Variants in DNAJB6 observed in about 807,000 individuals in gnomAD.
DNAJB6 encodes dnaJ homolog subfamily B member 6.
DNAJB6 carries 16 observed loss-of-function variants against 42.7 expected under a neutral mutation model. That is an observed-to-expected ratio of 0.37 (90% CI 0.25 to 0.57). The LOEUF is 0.57. Among genes scored for constraint, DNAJB6 ranks in the 20% least tolerant of loss-of-function variants. The pLI is 0.74. For synonymous variants in DNAJB6, 170 were observed against 163.5 expected (o/e 1.04, Z -0.30); for missense variants, 347 against 416.8 (o/e 0.83, Z 1.46).
At chr7:157,371,236 C>T (rs905994263) in intron 5 of DNAJB6, among the ~76,000 whole-genome samples, 3 of 152,244 alleles carry the variant, frequency 2.0e-5, no homozygotes, top group Non-Finnish European at 2.9e-5. Flanking sequence ...GGTTGGGGAC[C>T]GCTGTTGACA....
chr7:157,339,659 A>G (rs1798250676), intron 1 of DNAJB6, among the ~76,000 whole-genome samples: 1 of 135,736 alleles, frequency 7.4e-6, no homozygotes, highest in South Asian at 2.3e-4. Flanking sequence ...GATGGAGTTT[A>G]GCTCTTGCCC....
At chr7:157,357,878 C>G (rs1284603496) in intron 1 of DNAJB6, among the ~76,000 whole-genome samples, 9 of 152,132 alleles carry the variant, frequency 5.9e-5, no homozygotes. Flanking sequence ...ACCTTCCATT[C>G]GGTAGTGATA....
chr7:157,355,813 A>G (rs1413596774), intron 1 of DNAJB6, among the ~76,000 whole-genome samples: 1 of 152,202 alleles, frequency 6.6e-6, no homozygotes, highest in Non-Finnish European at 1.5e-5. Context: ...CTGCATGAAT[A>G]CCGAGTGCTG....
At position 157,382,396 on chromosome 7, in the gene DNAJB6, T is replaced by C; in HGVS notation, c.478+19T>C. 6.3e-7 allele frequency: 1 copy of C among 1,597,276 alleles called. No homozygotes were observed. Among genetic ancestry groups the C allele is most frequent in the Non-Finnish European group, 8.5e-7 (1 of 1,175,934 alleles). On this transcript the variant is annotated intron_variant, in intron 6 of 9. Coordinates refer to ENST00000262177, the MANE Select transcript of DNAJB6 (RefSeq NM_058246.4). ...GATACAGGTATTAAATCCCTAGGTT[T>C]AATCTCTGTTATCTTAACAGCAGTT...
intron 1 of DNAJB6, among the ~76,000 whole-genome samples, chr7:157,355,779 G>A (rs1034383259): frequency 6.6e-6 from 1 of 152,172 alleles, no homozygotes; most frequent in Non-Finnish European, 1.5e-5. Context: ...CATTTGGTAA[G>A]GAAACTAGCC....
chr7:157,343,583 C>T (rs1367594802), intron 1 of DNAJB6, among the ~76,000 whole-genome samples: 2 of 151,988 alleles, frequency 1.3e-5, no homozygotes, highest in African/African-American at 4.8e-5. Context: ...TCCTGCCTCA[C>T]CTGGAACTAC....
At chr7:157,376,966 T>A (rs1800508266) in intron 5 of DNAJB6, among the ~76,000 whole-genome samples, 1 of 152,076 alleles carries the variant, frequency 6.6e-6, no homozygotes, top group African/African-American at 2.4e-5. Flanking sequence ...AGACTGTTGG[T>A]GAATGAAAAC....
chr7:157,353,874 G>C (rs1289194896), intron 1 of DNAJB6, among the ~76,000 whole-genome samples: 1 of 151,950 alleles, frequency 6.6e-6, no homozygotes, highest in Non-Finnish European at 1.5e-5. Context: ...GTGTTTCCCA[G>C]GCTGATCTTG....
At chr7:157,342,312 C>T (rs1305786388) in intron 1 of DNAJB6, among the ~76,000 whole-genome samples, 1 of 148,712 alleles carries the variant, frequency 6.7e-6, no homozygotes, top group Non-Finnish European at 1.5e-5. Flanking sequence ...GGATTACAGG[C>T]ACGTGCCACT....
intron 8 of DNAJB6, among the ~76,000 whole-genome samples, chr7:157,389,620 T>G (rs1032439168): frequency 6.6e-6 from 1 of 152,214 alleles, no homozygotes; most frequent in African/African-American, 2.4e-5. Flanking sequence ...GAGCTAGATG[T>G]AGGCCTTGGT....
chr7:157,415,612 C>A, intron 9 of DNAJB6: 1 of 205,696 alleles, frequency 4.9e-6, no homozygotes, highest in Non-Finnish European at 1.0e-5. Context: ...GCAGCCGTGT[C>A]CAGGGTGGGC....
Position 157,384,957 on chromosome 7 carries a change from C to T in DNAJB6, c.569C>T (p.Ser190Leu), listed in dbSNP as rs771003490. Residue 190 changes from serine to leucine, a missense_variant, in exon 7 of 10, where the codon TCG becomes TTG. This residue lies in a region of DNAJB6 where 264 missense variants were observed against 288.0 expected (regional missense o/e 0.92). Coordinates refer to ENST00000262177, the MANE Select transcript of DNAJB6 (RefSeq NM_058246.4). Reference protein sequence around the residue: ...FGGSGMGNFKSISTSTKMVNG... With the variant: ...FGGSGMGNFKLISTSTKMVNG... ...GGTAGTGGCATGGGCAACTTCAAAT[C>T]GATATCAACTTCAACTAAAATGGTT... 17 of 1,613,914 alleles carry T rather than the reference C, an allele frequency of 1.1e-5. No homozygotes were observed. The highest frequency in any genetic ancestry group is 4.0e-5 in the African/African-American group (3 of 74,898).
At chr7:157,353,188 A>G (rs948184008) in intron 1 of DNAJB6, among the ~76,000 whole-genome samples, 2 of 150,624 alleles carry the variant, frequency 1.3e-5, no homozygotes, top group African/African-American at 4.8e-5. Context: ...TCGGGCTCCT[A>G]AAGTGTTGAG....
rs1798173622 is a variant in DNAJB6, at chr7:157,338,593, CAA to C, written c.-27+1451_-27+1452del. 2.0e-5 allele frequency among the ~76,000 whole-genome samples: 3 copies of C among 152,322 alleles called. No homozygotes were observed. In the South Asian group the frequency reaches 6.2e-4, roughly 32 times the overall value. Reference sequence around the variant, plus strand: ...AAAGTGATCGCCTGCCTCGGCCTCCCAAAGTGTTGGGATTAGAGGCGCGAGCC... The same window carrying C: ...AAAGTGATCGCCTGCCTCGGCCTCCCAGTGTTGGGATTAGAGGCGCGAGCC... On this transcript the variant is annotated intron_variant, in intron 1 of 9. Transcript: ENST00000262177.
chr7:157,392,590 T>C (rs1178532420), intron 8 of DNAJB6, among the ~76,000 whole-genome samples: 3 of 152,214 alleles, frequency 2.0e-5, no homozygotes, highest in Admixed American at 1.3e-4. Context: ...ACTCTCGTCC[T>C]GTCTGGTTTC....
At chr7:157,409,268 C>T (rs1443510601) in intron 8 of DNAJB6, among the ~76,000 whole-genome samples, 1 of 152,210 alleles carries the variant, frequency 6.6e-6, no homozygotes, top group Non-Finnish European at 1.5e-5. Context: ...AGAGCTGGAG[C>T]TGCACTGGAG....
chr7:157,387,952 TCTC>T (rs1801154510), intron 8 of DNAJB6, among the ~76,000 whole-genome samples: 1 of 152,050 alleles, frequency 6.6e-6, no homozygotes, highest in African/African-American at 2.4e-5. Context: ...TTCAAGCAGT[TCTC>T]CTGCCTCAGC....
chr7:157,410,938 A>C (rs1467422791), intron 9 of DNAJB6: 1 of 152,232 alleles, frequency 6.6e-6, no homozygotes, highest in Non-Finnish European at 1.5e-5. Flanking sequence ...GATGAAGCAC[A>C]GTTGCCGGTT....
intron 8 of DNAJB6, among the ~76,000 whole-genome samples, chr7:157,401,757 T>C (rs1445827764): frequency 2.0e-5 from 3 of 152,140 alleles, no homozygotes; most frequent in East Asian, 1.9e-4. Context: ...GCCTATTAGA[T>C]AGAAACAGAG....
Sources: gnomAD v4.1 joint callset for allele counts (sites outside exome capture counted in the v4.1 genomes callset) on GRCh38, gnomAD v4.1.1 for gene constraint, gnomAD v4.1.1 regional missense constraint, MANE v1.5 for transcripts, NCBI Gene and HGNC (gene_info 2026-07-23, HGNC 2026-07-21) for gene names.